RIMS2: variants seen among roughly 807,000 people sequenced by gnomAD.
The protein encoded by RIMS2 is regulating synaptic membrane exocytosis 2.
RIMS2 carries 59 observed loss-of-function variants against 174.4 expected under a neutral mutation model. The ratio of observed to expected loss-of-function variants is 0.34; its 90% CI spans 0.27 to 0.42. The LOEUF (loss-of-function observed/expected upper bound fraction) is 0.42. Ranked by LOEUF, RIMS2 falls within the 10% of genes least tolerant of loss-of-function variation. The pLI, the probability that RIMS2 is intolerant of heterozygous loss-of-function variation, is 1.00. For missense variants in RIMS2, 1,620 were observed against 1,666.3 expected, an observed-to-expected ratio of 0.97 and a Z score of 0.48; for synonymous variants, 606 against 572.5, an observed-to-expected ratio of 1.06 and a Z score of -0.84.
intron 1 of RIMS2, among the ~76,000 whole-genome samples, chr8:103,570,433 A>G (rs1189306074): frequency 6.6e-6 from 1 of 152,184 alleles, no homozygotes; most frequent in Non-Finnish European, 1.5e-5. Flanking sequence ...TCACATGCAT[A>G]TTGAATGTTC....
At chr8:103,987,354 C>A (rs7828298) in intron 16 of RIMS2, among the ~76,000 whole-genome samples, 4,576 of 151,990 alleles carry the variant, frequency 0.03, 212 homozygotes, top group African/African-American at 0.1. Context: ...TAAATCATGT[C>A]GGTGAGACAC....
intron 1 of RIMS2, among the ~76,000 whole-genome samples, chr8:103,675,979 G>T (rs1257329874): frequency 6.6e-6 from 1 of 152,076 alleles, no homozygotes; most frequent in African/African-American, 2.4e-5. Flanking sequence ...TGAAAAAAAG[G>T]TAGAAAATTT....
At chr8:103,866,519 G>A (rs2099085185) in intron 3 of RIMS2, among the ~76,000 whole-genome samples, 1 of 151,788 alleles carries the variant, frequency 6.6e-6, no homozygotes, top group South Asian at 2.1e-4. Flanking sequence ...AACTTATTTT[G>A]GTACTTCTCT....
In RIMS2 at chr8:104,060,010, A is replaced by G. The variant is rs1250071688; in HGVS notation, c.3334+45395A>G. 2.0e-5 allele frequency among the ~76,000 whole-genome samples: 3 copies of G among 151,808 alleles called. No homozygotes were observed. The East Asian group carries it at 5.8e-4, about 29-fold the overall frequency. ...AGGATTTTTGCATCAATGTTCATCA[A>G]GGATATTGGTCTAAAATTCTCTTTT... is the stretch of plus-strand genomic sequence containing the variant. On this transcript the variant is annotated intron_variant, in intron 19 of 23. Coordinates refer to ENST00000504942, the Ensembl canonical transcript of RIMS2.
At chr8:104,012,994 T>C (rs2095807884) in intron 17 of RIMS2, among the ~76,000 whole-genome samples, 1 of 152,172 alleles carries the variant, frequency 6.6e-6, no homozygotes, top group Non-Finnish European at 1.5e-5. Context: ...TTCAGGTGTA[T>C]AGTGTTTTCT....
At chr8:103,783,678 T>C (rs1277356990) in intron 3 of RIMS2, among the ~76,000 whole-genome samples, 1 of 152,046 alleles carries the variant, frequency 6.6e-6, no homozygotes, top group Non-Finnish European at 1.5e-5. Flanking sequence ...TGTGGGACAT[T>C]TGGGTTGGTT....
chr8:103,853,138 T>C (rs1279139440), intron 3 of RIMS2, among the ~76,000 whole-genome samples: 1 of 152,088 alleles, frequency 6.6e-6, no homozygotes, highest in Non-Finnish European at 1.5e-5. Context: ...ATAATAAGTA[T>C]CTCAATGTGG....
intron 2 of RIMS2, among the ~76,000 whole-genome samples, chr8:103,729,047 C>T (rs1167845124): frequency 1.3e-5 from 2 of 151,714 alleles, no homozygotes; most frequent in Non-Finnish European, 2.9e-5. Flanking sequence ...TTGTTTTTCA[C>T]TGTGTCTTTG....
At chr8:104,115,051 A>G (rs2098258042) in intron 19 of RIMS2, among the ~76,000 whole-genome samples, 2 of 152,096 alleles carry the variant, frequency 1.3e-5, no homozygotes, top group Admixed American at 1.3e-4. Flanking sequence ...AAAATGTAAG[A>G]GTACTGATCT....
chr8:103,763,486 T>C (rs1363976591), intron 2 of RIMS2, among the ~76,000 whole-genome samples: 1 of 139,660 alleles, frequency 7.2e-6, no homozygotes, highest in Non-Finnish European at 1.6e-5. Flanking sequence ...AGGAAGGAAA[T>C]AAGGAAGGGA....
exon 1 of RIMS2, chr8:103,500,907 C>A: frequency 6.2e-7 from 1 of 1,602,912 alleles, no homozygotes; most frequent in Non-Finnish European, 8.5e-7. Context: ...CTGTCGGGCC[C>A]CGGGGCCGCC....
chr8:103,797,089 T>A (rs966407781), intron 3 of RIMS2, among the ~76,000 whole-genome samples: 3 of 152,172 alleles, frequency 2.0e-5, no homozygotes, highest in Non-Finnish European at 2.9e-5. Flanking sequence ...CGTGTGGATA[T>A]CTGAGGGAAG....
In RIMS2 at chr8:103,515,209, C is replaced by T. The variant is rs185483925; in HGVS notation, c.176+14147C>T. Among the ~76,000 whole-genome samples the T allele has an allele frequency of 5.7e-3, 866 of 152,220 alleles. 10 individuals carry two copies. The highest frequency in any genetic ancestry group is 0.02 in the African/African-American group (826 of 41,556). ...CCACAAGCATATATAATGCTCTGCT[C>T]ATCTTAATTTTTCTTTAGGACTCAT... is the stretch of plus-strand genomic sequence containing the variant. On this transcript the variant is annotated intron_variant, in intron 1 of 23. Transcript: ENST00000504942.
At chr8:103,818,611 T>A (rs2154471632) in intron 3 of RIMS2, among the ~76,000 whole-genome samples, 1 of 152,284 alleles carries the variant, frequency 6.6e-6, no homozygotes, top group African/African-American at 2.4e-5. Flanking sequence ...CCACCTGGAT[T>A]TGGAGGGAAG....
At chr8:103,924,031 T>C (rs2078247910) in intron 10 of RIMS2, among the ~76,000 whole-genome samples, 1 of 151,670 alleles carries the variant, frequency 6.6e-6, no homozygotes, top group African/African-American at 2.4e-5. Context: ...CTATTATAGG[T>C]TATCTTGCTT....
At chr8:104,010,027 C>T (rs547910033) in intron 17 of RIMS2, among the ~76,000 whole-genome samples, 19 of 121,134 alleles carry the variant, frequency 1.6e-4, no homozygotes, top group South Asian at 6.8e-4. Context: ...GACGGATGGA[C>T]GGACGGACGG....
intron 1 of RIMS2, among the ~76,000 whole-genome samples, chr8:103,591,498 T>C (rs2094255982): frequency 6.6e-6 from 1 of 151,246 alleles, no homozygotes. Flanking sequence ...CCTCTAAATA[T>C]TACAGATATT....
chr8:103,909,019 A>G (rs2075104526), intron 4 of RIMS2, among the ~76,000 whole-genome samples: 1 of 152,152 alleles, frequency 6.6e-6, no homozygotes, highest in Non-Finnish European at 1.5e-5. Flanking sequence ...TTATAGCACC[A>G]TGTCACATCT....
chr8:103,583,914 GATA>G (rs112023270), intron 1 of RIMS2, among the ~76,000 whole-genome samples: 9,053 of 152,042 alleles, frequency 0.06, 895 homozygotes, highest in African/African-American at 0.2. Context: ...CACACAATGG[GATA>G]ATAACAACTT....
Sources: gnomAD v4.1 joint callset for allele counts (sites outside exome capture counted in the v4.1 genomes callset) on GRCh38, gnomAD v4.1.1 for gene constraint, MANE v1.5 for transcripts, NCBI Gene and HGNC (gene_info 2026-07-23, HGNC 2026-07-21) for gene names.